LSS: variants seen among roughly 807,000 people sequenced by gnomAD.
LSS encodes lanosterol synthase.
In LSS, 90 loss-of-function variants were observed where a neutral mutation model predicts 110.3. That is an observed-to-expected ratio of 0.82 (90% confidence interval 0.69 to 0.97). The LOEUF is 0.97. Ranked by LOEUF, LSS falls within the 50% of genes least tolerant of loss-of-function variation. The pLI is 0.00. For synonymous variants in LSS, 433 were observed against 400.0 expected, an observed-to-expected ratio of 1.08 and a Z score of -0.98; for missense variants, 927 against 990.0, an observed-to-expected ratio of 0.94 and a Z score of 0.85.
At chr21:46,211,481 C>T (rs975561319) in intron 11 of LSS, among the ~76,000 whole-genome samples, 4 of 152,144 alleles carry the variant, frequency 2.6e-5, no homozygotes, top group Admixed American at 2.0e-4. Flanking sequence ...CTGCACAGGG[C>T]TGGGAAGGCT....
chr21:46,207,284 C>T (rs1313717595), intron 15 of LSS, 144 bp downstream of exon 15: 2 of 1,011,080 alleles, frequency 2.0e-6, no homozygotes, highest in African/African-American at 3.2e-5. Flanking sequence ...TCACAGTTCT[C>T]CACATATAGA....
chr21:46,208,266 G>A lies in LSS; in HGVS notation c.1302C>T (p.Tyr434=), dbSNP rs768444172. The A allele has an allele frequency of 1.1e-5, 17 of 1,552,612 alleles. No individual in the cohort carries two copies. Among genetic ancestry groups the A allele is most frequent in the Non-Finnish European group, 1.5e-5 (17 of 1,147,540 alleles). ...PDNPPDYQKY[Y]RQMRKGGFSF... ...TCCCGCATACCTTGCGCATCTGGCG[G>A]TAGTACTTCTGGTAGTCGGGAGGGT... is the stretch of plus-strand genomic sequence containing the variant. Residue 434 remains tyrosine, a synonymous_variant, in exon 14 of 22, where the codon TAC becomes TAT. Coordinates refer to ENST00000397728, the MANE Select transcript of LSS (RefSeq NM_002340.6).
Position 46,209,209 on chromosome 21 carries a change from G to A in LSS, c.1266+345C>T, listed in dbSNP as rs570988725. 1.1e-4 allele frequency among the ~76,000 whole-genome samples: 16 copies of A among 152,282 alleles called. No homozygotes were observed. Among genetic ancestry groups the A allele is most frequent in the Admixed American group, 2.6e-4 (4 of 15,306 alleles). On this transcript the variant is annotated intron_variant, in intron 13 of 21. Coordinates refer to ENST00000397728, the MANE Select transcript of LSS (RefSeq NM_002340.6). The surrounding 1 kb of genome is among the most constrained non-coding windows in gnomAD (Gnocchi z 4.4). ...GGCGTCACCTCCATGGGCAGAAGGT[G>A]CTTCAGAGACATGGAGGTGCCGTGT...
intron 6 of LSS, among the ~76,000 whole-genome samples, chr21:46,219,272 C>T (rs1322320055): frequency 6.6e-6 from 1 of 152,172 alleles, no homozygotes; most frequent in Non-Finnish European, 1.5e-5. Flanking sequence ...CAGCCTTCTT[C>T]CTGCTCAATT....
chr21:46,208,177 G>A, intron 14 of LSS, 74 bp downstream of exon 14: 1 of 1,417,228 alleles, frequency 7.1e-7, no homozygotes, highest in Non-Finnish European at 9.7e-7. Flanking sequence ...CCCCCCTTCA[G>A]AGGGAAGGAC....
intron 11 of LSS, among the ~76,000 whole-genome samples, chr21:46,211,330 C>T (rs192290394): frequency 2.8e-4 from 43 of 152,254 alleles, no homozygotes; most frequent in Admixed American, 7.2e-4. Flanking sequence ...GGGGTTTCAC[C>T]ATGTTAGCCA....
intron 18 of LSS, among the ~76,000 whole-genome samples, 197 bp downstream of exon 18, chr21:46,196,005 G>A (rs1030027990): frequency 6.6e-6 from 1 of 152,248 alleles, no homozygotes; most frequent in African/African-American, 2.4e-5. Context: ...GCAACGTACT[G>A]AGCAATTTCC....
At chr21:46,227,393 T>C (rs1193993230) in intron 3 of LSS, 159 bp downstream of exon 3, 22 of 831,896 alleles carry the variant, frequency 2.6e-5, no homozygotes, top group Middle Eastern at 3.6e-4. Context: ...CCTAGACCAA[T>C]AGCAGGACGA....
rs1291848191 is a variant in LSS at position 46,211,201 on chromosome 21, G to A, written c.1138-457C>T. Among the ~76,000 whole-genome samples, 7 of 151,936 alleles carry A rather than the reference G, an allele frequency of 4.6e-5. No homozygotes were observed. The East Asian group carries it at 5.8e-4, about 13-fold the overall frequency. ...GAGTGCAGTGGCGTGATCTCAGCTC[G>A]CTGCAAGCTCCGCCTCCTGGGTTCA... On this transcript the variant is annotated intron_variant, in intron 11 of 21. Coordinates refer to ENST00000397728, the MANE Select transcript of LSS (RefSeq NM_002340.6).
In LSS at chr21:46,227,468, T is replaced by A. The variant is rs999691; in HGVS notation, c.319+84A>T. 0.34 allele frequency: 510,532 copies of A among 1,518,964 alleles called. 88,938 individuals are homozygous for A. The highest frequency in any genetic ancestry group is 0.44 in the Admixed American group (20,440 of 46,290). The allele number at this position is 1,518,964 out of a possible 1,614,324, so 94.1% of individuals were successfully genotyped here. On this transcript the variant is annotated intron_variant, in intron 3 of 21. Coordinates refer to ENST00000397728, the MANE Select transcript of LSS (RefSeq NM_002340.6). ...AGCCCCTGGATTTTCACCTGCTTCA[T>A]CAAAACCCTAGACCAGGCTGGGCCA...
chr21:46,205,618 C>A (rs1410158615), intron 17 of LSS, among the ~76,000 whole-genome samples: 2 of 152,214 alleles, frequency 1.3e-5, no homozygotes, highest in African/African-American at 4.8e-5. Context: ...GAGAGAAAAT[C>A]CATTTTTGTA....
rs1569014208 is a variant in LSS at position 46,191,924 on chromosome 21, CG to C, written c.2023del (p.Arg675GlyfsTer86). 6.2e-7 allele frequency: 1 copy of C among 1,613,748 alleles called. No homozygotes were observed. The highest frequency in any genetic ancestry group is 1.3e-5 in the African/African-American group (1 of 75,032). The part of the protein sequence containing the change: ...PDIEAQERGV[R>X]CLLEKQLPNG... The stretch of plus-strand genomic sequence containing the variant: ...GGGGAGCTGTTTCTCAAGTAGACAC[CG>C]GACTCCTCTCTCCTGGGCCTCGATG... On this transcript the variant is annotated frameshift_variant, in exon 21 of 22. Coordinates refer to ENST00000397728, the MANE Select transcript of LSS (RefSeq NM_002340.6). LOFTEE classifies it high-confidence loss of function.
intron 9 of LSS, 45 bp from the exon 10 acceptor site, chr21:46,213,880 G>A (rs756961659): frequency 1.5e-6 from 2 of 1,371,292 alleles, no homozygotes; most frequent in Non-Finnish European, 1.0e-6. Flanking sequence ...CAGACCCACA[G>A]CAGCCTCCAG....
intron 3 of LSS, among the ~76,000 whole-genome samples, chr21:46,226,214 C>A (rs1232820991): frequency 3.3e-5 from 5 of 152,112 alleles, no homozygotes; most frequent in African/African-American, 1.2e-4. Context: ...AAGCCCAGAG[C>A]CAAAGCAGCA....
chr21:46,227,308 C>T, intron 3 of LSS: 1 of 513,058 alleles, frequency 1.9e-6, no homozygotes, highest in Non-Finnish European at 3.5e-6. Flanking sequence ...CTCAAGGCAA[C>T]ACAGAGCCCT....
chr21:46,204,391 T>C (rs1463352230), intron 17 of LSS, among the ~76,000 whole-genome samples: 1 of 152,046 alleles, frequency 6.6e-6, no homozygotes, highest in East Asian at 1.9e-4. Flanking sequence ...TAAGATTTTT[T>C]TTTTTTCAAA....
At chr21:46,222,517 C>T in intron 4 of LSS, 113 bp downstream of exon 4, 1 of 894,366 alleles carries the variant, frequency 1.1e-6, no homozygotes. Context: ...ACCCCACACC[C>T]ACAGCTGCAA....
intron 17 of LSS, 22 bp downstream of exon 17, chr21:46,205,814 G>C (rs1221788526): frequency 8.9e-6 from 14 of 1,575,492 alleles, no homozygotes; most frequent in Non-Finnish European, 1.2e-5. Context: ...CGCCCACACT[G>C]AATGGCTGAG....
chr21:46,215,182 G>T lies in LSS; in HGVS notation c.1009C>A (p.Pro337Thr). The T allele has an allele frequency of 6.2e-7, 1 of 1,609,192 alleles. No individual in the cohort carries two copies. Reference protein sequence around the residue: ...DRFTKSISIGPISKTINMLVR... With the variant: ...DRFTKSISIGTISKTINMLVR... The stretch of plus-strand genomic sequence containing the variant: ...AGAGGCCGGGCAGGGGCACTGACCG[G>T]GCCGATGCTGATGCTCTTGGTGAAT... The change falls in exon 9 of 22, where the codon CCG becomes ACG. Residue 337 changes from proline to threonine, a missense_variant and splice_region_variant. Physicochemically the swap from Pro to Thr is conservative, Grantham distance 38. Coordinates refer to ENST00000397728, the MANE Select transcript of LSS (RefSeq NM_002340.6).
Sources: gnomAD v4.1 joint callset for allele counts (sites outside exome capture counted in the v4.1 genomes callset) on GRCh38, gnomAD v4.1.1 for gene constraint, Gnocchi (gnomAD v3.1) non-coding constraint, MANE v1.5 for transcripts, NCBI Gene and HGNC (gene_info 2026-07-23, HGNC 2026-07-21) for gene names.